The following PCDHGB1 variants were observed in gnomAD, a reference collection of about 807,000 sequenced individuals.
PCDHGB1 encodes protocadherin gamma-B1.
A neutral mutation model predicts 56.6 loss-of-function variants in PCDHGB1; 34 were observed. The ratio of observed to expected loss-of-function variants is 0.60; its 90% CI spans 0.46 to 0.80. The LOEUF (loss-of-function observed/expected upper bound fraction) is 0.80, where lower values mean the gene tolerates loss of function less well. Among genes scored for constraint, PCDHGB1 ranks in the 30% least tolerant of loss-of-function variants. The pLI is 0.00. For missense variants in PCDHGB1, 1,278 were observed against 1,204.6 expected, an observed-to-expected ratio of 1.06 and a Z score of -0.90; for synonymous variants, 561 against 505.9, an observed-to-expected ratio of 1.11 and a Z score of -1.46.
At chr5:141,371,785 A>G (rs1332853019) in intron 1 of PCDHGB1, 1 of 1,613,964 alleles carries the variant, frequency 6.2e-7, no homozygotes, top group Admixed American at 1.7e-5. Flanking sequence ...GTAGCTGAGA[A>G]CAATCCGCCT....
chr5:141,488,866 G>C (rs957501628), intron 1 of PCDHGB1, among the ~76,000 whole-genome samples: 1 of 152,148 alleles, frequency 6.6e-6, no homozygotes, highest in East Asian at 1.9e-4. Context: ...GAAGTGAGTG[G>C]GGAGGTAGGA....
chr5:141,350,897 G>A lies in PCDHGB1; in HGVS notation c.637G>A (p.Asp213Asn), dbSNP rs748000231. The A allele has an allele frequency of 6.2e-7, 1 of 1,614,028 alleles. No individual in the cohort carries two copies. The highest frequency in any genetic ancestry group is 1.7e-5 in the Admixed American group (1 of 60,030). The change falls in exon 1 of 4, where the codon GAT (aspartate) becomes AAT (asparagine). Residue 213 changes from aspartate to asparagine, a missense_variant. Physicochemically the swap from Asp to Asn is conservative, Grantham distance 23. Coordinates refer to ENST00000523390, the MANE Select transcript of PCDHGB1 (RefSeq NM_018922.3). ...SSHRLILTAM[D>N]GGDPPLSGTT... ...TCATCGCTTAATCCTGACTGCCATG[G>A]ATGGCGGGGACCCGCCTCTAAGCGG...
intron 1 of PCDHGB1, chr5:141,393,145 A>G (rs2092690678): frequency 6.2e-7 from 1 of 1,613,324 alleles, no homozygotes; most frequent in Non-Finnish European, 8.5e-7. Context: ...ACCCTGGTTG[A>G]GGATAAAGGA....
At position 141,350,686 on chromosome 5, in the gene PCDHGB1, A is replaced by G. The variant is rs1377693392; in HGVS notation, c.426A>G (p.Ser142=). The change falls in exon 1 of 4, where the codon TCA becomes TCG. Residue 142 remains serine (S), a synonymous_variant. Coordinates refer to ENST00000523390, the MANE Select transcript of PCDHGB1 (RefSeq NM_018922.3). ...AKGIDLEICE[S]ALPGVKFSLD... ...GCATTGACTTAGAAATTTGTGAGTC[A>G]GCCTTACCCGGGGTAAAATTCTCTC... The G allele has an allele frequency of 1.1e-5, 18 of 1,613,904 alleles. No homozygotes were observed. In the East Asian group the frequency reaches 1.6e-4, roughly 14 times the overall value.
rs759587995 is a variant in PCDHGB1, at chr5:141,491,802, G to T, written c.2410-3005G>T. On this transcript the variant is annotated intron_variant, in intron 1 of 3. Coordinates refer to ENST00000523390, the MANE Select transcript of PCDHGB1 (RefSeq NM_018922.3). The surrounding 1 kb of genome is among the most constrained non-coding windows in gnomAD (Gnocchi z 6.9). ...ACTTGCATCCACTCCTCTCCGGCCGGCTTGGTCGCTGGCTGCGCTCCACCC... is the reference window on the plus strand; with the variant it reads ...ACTTGCATCCACTCCTCTCCGGCCGTCTTGGTCGCTGGCTGCGCTCCACCC... 1 of 1,497,480 alleles carries T rather than the reference G, an allele frequency of 6.7e-7. No individual in the cohort carries two copies. Among genetic ancestry groups the T allele is most frequent in the East Asian group, 2.5e-5 (1 of 40,518 alleles). The allele number at this position is 1,497,480 out of a possible 1,614,324, so 92.8% of individuals were successfully genotyped here. A position where few individuals can be genotyped will look rare whatever the true frequency, so the allele number is the denominator to read the frequency against.
Position 141,458,657 on chromosome 5 carries a change from C to T in PCDHGB1, c.2410-36150C>T, listed in dbSNP as rs1214452360. On this transcript the variant is annotated intron_variant, in intron 1 of 3. Coordinates refer to ENST00000523390, the MANE Select transcript of PCDHGB1 (RefSeq NM_018922.3). ...CAATCCCAGCTCACTGCAACCTCCA[C>T]CTCTCGGGTTCAAGCAATTCTACTG... Among the ~76,000 whole-genome samples, 6 of 152,276 alleles carry T rather than the reference C, an allele frequency of 3.9e-5. No homozygotes were observed. In the East Asian group the frequency reaches 9.6e-4, roughly 24 times the overall value.
At chr5:141,430,313 G>A (rs1018901791) in intron 1 of PCDHGB1, among the ~76,000 whole-genome samples, 1 of 150,204 alleles carries the variant, frequency 6.7e-6, no homozygotes, top group South Asian at 2.1e-4. Context: ...AACATTATAA[G>A]ATTAAAATCA....
At chr5:141,385,865 G>T (rs1329915375) in intron 1 of PCDHGB1, 1 of 152,944 alleles carries the variant, frequency 6.5e-6, no homozygotes, top group Admixed American at 6.5e-5. Context: ...GTAGTAGAAG[G>T]TTGGATTTAT....
Position 141,432,254 on chromosome 5 carries a change from G to A in PCDHGB1, c.2410-62553G>A, listed in dbSNP as rs935437220. 6.2e-7 allele frequency: 1 copy of A among 1,614,242 alleles called. No homozygotes were observed. The highest frequency in any genetic ancestry group is 8.5e-7 in the Non-Finnish European group (1 of 1,180,050). ...CCTGGCTGAGAACACCATCCAAGGG[G>A]CAAGCCTATCGTCCTACGTGTCCAT... On this transcript the variant is annotated intron_variant, in intron 1 of 3. Transcript: ENST00000523390. The surrounding 1 kb of genome is among the most constrained non-coding windows in gnomAD (Gnocchi z 6.0).
intron 1 of PCDHGB1, among the ~76,000 whole-genome samples, chr5:141,464,921 G>A (rs1562002597): frequency 6.6e-6 from 1 of 151,106 alleles, no homozygotes; most frequent in Non-Finnish European, 1.5e-5. Flanking sequence ...TTATTTTTTT[G>A]TAGAGATGTG....
intron 1 of PCDHGB1, chr5:141,384,102 T>G (rs1156310174): frequency 1.3e-6 from 2 of 1,599,484 alleles, no homozygotes; most frequent in Admixed American, 3.4e-5. Flanking sequence ...TAGATAATTA[T>G]TATAGATTGG....
In PCDHGB1 at chr5:141,486,476, C is replaced by G. The variant is rs765887978; in HGVS notation, c.2410-8331C>G. The G allele has an allele frequency of 5.0e-6, 8 of 1,613,934 alleles. No homozygotes were observed. In the South Asian group the frequency reaches 7.7e-5, roughly 16 times the overall value. ...TGCTTCTGATGCTGGGAACCCTCCTCTCAGTACCCACAGAACTATTTTCCT... is the reference window on the plus strand; with the variant it reads ...TGCTTCTGATGCTGGGAACCCTCCTGTCAGTACCCACAGAACTATTTTCCT... On this transcript the variant is annotated intron_variant, in intron 1 of 3. Coordinates refer to ENST00000523390, the MANE Select transcript of PCDHGB1 (RefSeq NM_018922.3). The surrounding 1 kb of genome is among the most constrained non-coding windows in gnomAD (Gnocchi z 5.0).
intron 1 of PCDHGB1, chr5:141,395,737 A>T (rs2093305517): frequency 6.5e-6 from 1 of 152,906 alleles, no homozygotes; most frequent in Non-Finnish European, 1.5e-5. Flanking sequence ...TTCACTTTAA[A>T]CCTCTTTTCT....
chr5:141,448,786 A>C (rs1354591718), intron 1 of PCDHGB1, among the ~76,000 whole-genome samples: 1 of 148,848 alleles, frequency 6.7e-6, no homozygotes, highest in African/African-American at 2.5e-5. Flanking sequence ...TAAAAATACA[A>C]AAAAAAAAAT....
Position 141,477,920 on chromosome 5 carries a change from C to A in PCDHGB1, c.2410-16887C>A, listed in dbSNP as rs755219711. ...GGTAGGCTGGGACGCGGATGCAGGGCACAATGCCTGGCTCTCCTACAGTCT... is the reference window on the plus strand; with the variant it reads ...GGTAGGCTGGGACGCGGATGCAGGGAACAATGCCTGGCTCTCCTACAGTCT... On this transcript the variant is annotated intron_variant, in intron 1 of 3. Transcript: ENST00000523390. The surrounding 1 kb of genome is among the most constrained non-coding windows in gnomAD (Gnocchi z 4.9). The A allele has an allele frequency of 6.2e-7, 1 of 1,614,180 alleles. No individual in the cohort carries two copies. The highest frequency in any genetic ancestry group is 8.5e-7 in the Non-Finnish European group (1 of 1,180,038).
intron 1 of PCDHGB1, among the ~76,000 whole-genome samples, chr5:141,449,891 A>G (rs2098658520): frequency 6.6e-6 from 1 of 151,872 alleles, no homozygotes; most frequent in Non-Finnish European, 1.5e-5. Flanking sequence ...CAATATAATT[A>G]TTTAGCCTAT....
At chr5:141,467,693 G>C (rs543886467) in intron 1 of PCDHGB1, among the ~76,000 whole-genome samples, 49 of 152,108 alleles carry the variant, frequency 3.2e-4, no homozygotes, top group African/African-American at 1.1e-3. Flanking sequence ...ACAGGGTCTG[G>C]CTCTGTTGCC....
chr5:141,350,772 C>G lies in PCDHGB1; in HGVS notation c.512C>G (p.Pro171Arg). Residue 171 changes from proline (P) to arginine (R), a missense_variant, in exon 1 of 4, where the codon CCC becomes CGC. Pro to Arg is a moderately radical substitution (Grantham distance 103, BLOSUM62 -2). Transcript: ENST00000523390. ...TCACTGAAGTTATACACCATCAACC[C>G]CAATCAATACTTCTCTCTGTCAACG... is the stretch of plus-strand genomic sequence containing the variant. Reference protein sequence around the residue: ...GNSLKLYTINPNQYFSLSTKE... With the variant: ...GNSLKLYTINRNQYFSLSTKE... 6.2e-7 allele frequency: 1 copy of G among 1,613,910 alleles called. No individual in the cohort carries two copies. The highest frequency in any genetic ancestry group is 8.5e-7 in the Non-Finnish European group (1 of 1,179,878).
At chr5:141,366,523 G>A (rs755773964) in intron 1 of PCDHGB1, 18 of 1,614,152 alleles carry the variant, frequency 1.1e-5, no homozygotes, top group Middle Eastern at 1.6e-4. Flanking sequence ...AAGGCAGCAG[G>A]TTGGCGGGTG....
Sources: gnomAD v4.1 joint callset for allele counts (sites outside exome capture counted in the v4.1 genomes callset) on GRCh38, gnomAD v4.1.1 for gene constraint, Gnocchi (gnomAD v3.1) non-coding constraint, MANE v1.5 for transcripts, NCBI Gene and HGNC (gene_info 2026-07-23, HGNC 2026-07-21) for gene names.